Variants in LSAMP observed in about 807,000 individuals in gnomAD.
LSAMP encodes limbic system-associated membrane protein.
A neutral mutation model predicts 38.6 loss-of-function variants in LSAMP; 7 were observed. The ratio of observed to expected loss-of-function variants is 0.18; its 90% confidence interval spans 0.10 to 0.34. The LOEUF (loss-of-function observed/expected upper bound fraction) is 0.34, where lower values mean the gene tolerates loss of function less well. Ranked by LOEUF, LSAMP falls within the 10% of genes least tolerant of loss-of-function variation. LSAMP has a pLI of 1.00. For missense variants in LSAMP, 313 were observed against 420.0 expected (o/e 0.75, Z 2.23); for synonymous variants, 154 against 166.8 (o/e 0.92, Z 0.59).
chr3:116,079,085 A>G (rs1293845797), intron 2 of LSAMP, among the ~76,000 whole-genome samples: 2 of 152,158 alleles, frequency 1.3e-5, no homozygotes, highest in Non-Finnish European at 2.9e-5. Context: ...CACAAGGTTC[A>G]TTTTAGCTTT....
intron 1 of LSAMP, among the ~76,000 whole-genome samples, chr3:116,390,132 T>TACACAC (rs10661312): frequency 0.011 from 1,650 of 147,362 alleles, 32 homozygotes; most frequent in African/African-American, 0.036. Context: ...TATGTATGTA[T>TACACAC]ACACACACAC....
At chr3:115,829,748 A>T (rs1158742505) in intron 6 of LSAMP, among the ~76,000 whole-genome samples, 1 of 152,226 alleles carries the variant, frequency 6.6e-6, no homozygotes, top group Non-Finnish European at 1.5e-5. Context: ...TGGTAAGAAA[A>T]TAATGAAAAA....
At chr3:115,816,632 C>G (rs755267644) in intron 6 of LSAMP, 28 of 1,286,276 alleles carry the variant, frequency 2.2e-5, no homozygotes, top group Admixed American at 2.3e-5. Flanking sequence ...TTGAAGTGCA[C>G]GGTGGTACCA....
chr3:116,171,239 G>T (rs752557468), intron 1 of LSAMP, among the ~76,000 whole-genome samples: 52 of 152,088 alleles, frequency 3.4e-4, no homozygotes, highest in Non-Finnish European at 8.8e-5. Context: ...TGTTTAACAA[G>T]CATTTGATTT....
chr3:116,043,888 C>A (rs1427203373), intron 2 of LSAMP, among the ~76,000 whole-genome samples: 3 of 152,216 alleles, frequency 2.0e-5, no homozygotes, highest in Non-Finnish European at 4.4e-5. Context: ...GGAGCTTGCA[C>A]TGAGCCAAGA....
chr3:116,280,116 C>G (rs1001397825), intron 1 of LSAMP, among the ~76,000 whole-genome samples: 1 of 152,156 alleles, frequency 6.6e-6, no homozygotes, highest in South Asian at 2.1e-4. Flanking sequence ...AAAACAGAAT[C>G]TGATCAGAAA....
At chr3:115,999,223 A>T (rs1207139323) in intron 3 of LSAMP, among the ~76,000 whole-genome samples, 3 of 152,186 alleles carry the variant, frequency 2.0e-5, no homozygotes, top group African/African-American at 7.2e-5. Flanking sequence ...TCCGAATCAC[A>T]AGCAGCAGGA....
intron 1 of LSAMP, among the ~76,000 whole-genome samples, chr3:116,092,835 T>C (rs1708153334): frequency 6.6e-6 from 1 of 152,214 alleles, no homozygotes; most frequent in African/African-American, 2.4e-5. Flanking sequence ...AAGATATCTA[T>C]GATGTAATTG....
At chr3:116,258,558 AG>A (rs1289185234) in intron 1 of LSAMP, among the ~76,000 whole-genome samples, 3 of 152,144 alleles carry the variant, frequency 2.0e-5, no homozygotes, top group Admixed American at 1.3e-4. Context: ...TATTTTAAAA[AG>A]ATGATCCTTT....
At chr3:116,029,916 A>C (rs1041316540) in intron 2 of LSAMP, among the ~76,000 whole-genome samples, 1 of 152,096 alleles carries the variant, frequency 6.6e-6, no homozygotes, top group African/African-American at 2.4e-5. Flanking sequence ...CCAGGAAGTC[A>C]GATGTACAAC....
At chr3:116,379,885 T>C (rs1471123882) in intron 1 of LSAMP, among the ~76,000 whole-genome samples, 5 of 152,090 alleles carry the variant, frequency 3.3e-5, no homozygotes, top group African/African-American at 1.2e-4. Context: ...GTCATTGTCA[T>C]AAACCCTTCA....
intron 1 of LSAMP, among the ~76,000 whole-genome samples, chr3:116,093,108 G>A (rs760937365): frequency 2.0e-5 from 3 of 152,164 alleles, no homozygotes; most frequent in Non-Finnish European, 4.4e-5. Context: ...GTAACTGGAT[G>A]GGTAAGAGAA....
chr3:115,890,668 C>A (rs1179930428), intron 3 of LSAMP, among the ~76,000 whole-genome samples: 6 of 151,758 alleles, frequency 4.0e-5, no homozygotes, highest in Non-Finnish European at 7.4e-5. Flanking sequence ...TCCCAGGAAA[C>A]AAAACAAATG....
chr3:115,818,044 C>A (rs1396286942), intron 6 of LSAMP, among the ~76,000 whole-genome samples: 1 of 152,118 alleles, frequency 6.6e-6, no homozygotes, highest in Non-Finnish European at 1.5e-5. Context: ...CCAGAGAGGT[C>A]ATTTGCGAAG....
At position 116,041,965 on chromosome 3, in the gene LSAMP, T is replaced by C. The variant is rs374372651; in HGVS notation, c.389-22325A>G. ...ATTAATTTATGCTTGAAGTAAACTATGCTACTTATTTTTCCTTGACATATA... is the reference window on the plus strand; with the variant it reads ...ATTAATTTATGCTTGAAGTAAACTACGCTACTTATTTTTCCTTGACATATA... On this transcript the variant is annotated intron_variant, in intron 2 of 6. Coordinates refer to ENST00000490035, the MANE Select transcript of LSAMP (RefSeq NM_002338.5). Among the ~76,000 whole-genome samples the C allele has an allele frequency of 5.3e-5, 8 of 152,304 alleles. No individual in the cohort carries two copies. In the South Asian group the frequency reaches 8.3e-4, roughly 16 times the overall value.
chr3:116,287,824 T>C (rs985604508), intron 1 of LSAMP, among the ~76,000 whole-genome samples: 4 of 152,176 alleles, frequency 2.6e-5, no homozygotes, highest in Admixed American at 6.5e-5. Flanking sequence ...CCTGCTCTTA[T>C]AGAGCTGTTA....
At chr3:116,292,166 T>C (rs1358349821) in intron 1 of LSAMP, among the ~76,000 whole-genome samples, 2 of 152,226 alleles carry the variant, frequency 1.3e-5, no homozygotes, top group Non-Finnish European at 2.9e-5. Flanking sequence ...AGATGGAATG[T>C]ACATTTTATA....
At chr3:116,278,418 C>T (rs1475588194) in intron 1 of LSAMP, among the ~76,000 whole-genome samples, 2 of 151,988 alleles carry the variant, frequency 1.3e-5, no homozygotes, top group Non-Finnish European at 2.9e-5. Context: ...AGTTATTATC[C>T]TCAATTCATA....
chr3:115,964,992 C>CAACAGA (rs1938751588), intron 3 of LSAMP, among the ~76,000 whole-genome samples: 1 of 151,976 alleles, frequency 6.6e-6, no homozygotes, highest in Middle Eastern at 3.2e-3. Context: ...AATGTGTGAC[C>CAACAGA]TTTTAAATTA....
Sources: gnomAD v4.1 joint callset for allele counts (sites outside exome capture counted in the v4.1 genomes callset) on GRCh38, gnomAD v4.1.1 for gene constraint, MANE v1.5 for transcripts, NCBI Gene and HGNC (gene_info 2026-07-23, HGNC 2026-07-21) for gene names.